Variants in RBFOX1 observed in about 807,000 individuals in gnomAD.
RBFOX1 encodes the protein RNA binding fox-1 homolog 1.
Under a neutral mutation model 57.7 loss-of-function variants are expected in RBFOX1, and 8 were observed. The observed-to-expected ratio is 0.14, with a 90% confidence interval of 0.08 to 0.25. The LOEUF is 0.25. Among genes scored for constraint, RBFOX1 ranks in the 10% least tolerant of loss-of-function variants. The pLI, the probability that RBFOX1 is intolerant of heterozygous loss-of-function variation, is 1.00. For synonymous variants in RBFOX1, 326 were observed against 222.4 expected (o/e 1.47, Z -4.15); for missense variants, 611 against 548.5 (o/e 1.11, Z -1.14).
At chr16:6,820,464 A>G (rs1020113682) in intron 3 of RBFOX1, among the ~76,000 whole-genome samples, 6 of 152,102 alleles carry the variant, frequency 3.9e-5, no homozygotes, top group Admixed American at 6.6e-5. Flanking sequence ...CGACACCAGC[A>G]TGGGAAAGAT....
At chr16:7,627,493 A>T (rs963095832) in intron 10 of RBFOX1, among the ~76,000 whole-genome samples, 1 of 152,244 alleles carries the variant, frequency 6.6e-6, no homozygotes, top group East Asian at 1.9e-4. Flanking sequence ...TGTGATACAA[A>T]TGAAGGTTCC....
intron 14 of RBFOX1, chr16:7,693,245 TC>T (rs1404433731): frequency 7.4e-7 from 1 of 1,352,952 alleles, no homozygotes; most frequent in African/African-American, 1.4e-5. Context: ...TCTGTACACA[TC>T]GAAGCAATTG....
intron 4 of RBFOX1, among the ~76,000 whole-genome samples, chr16:7,257,077 G>C (rs1050860737): frequency 6.6e-6 from 1 of 152,122 alleles, no homozygotes; most frequent in Non-Finnish European, 1.5e-5. Context: ...TGTGTGTCTA[G>C]AGCCGGGCTT....
At chr16:7,369,832 G>T (rs1170883537) in intron 4 of RBFOX1, among the ~76,000 whole-genome samples, 2 of 152,146 alleles carry the variant, frequency 1.3e-5, no homozygotes, top group Non-Finnish European at 2.9e-5. Flanking sequence ...TCTGGGACAA[G>T]TACTATCAAT....
intron 2 of RBFOX1, among the ~76,000 whole-genome samples, chr16:5,471,042 G>A (rs190068202): frequency 5.1e-4 from 78 of 152,120 alleles, no homozygotes; most frequent in Non-Finnish European, 8.1e-4. Context: ...TAGTAGAGAC[G>A]GGGCTGGTCT....
At chr16:7,690,420 G>A (rs2077066050) in intron 14 of RBFOX1, among the ~76,000 whole-genome samples, 1 of 152,104 alleles carries the variant, frequency 6.6e-6, no homozygotes, top group Non-Finnish European at 1.5e-5. Context: ...GAAATTTTTA[G>A]AAGTGCACCA....
intron 1 of RBFOX1, among the ~76,000 whole-genome samples, chr16:6,298,890 C>T (rs535616766): frequency 1.3e-5 from 2 of 152,124 alleles, no homozygotes; most frequent in African/African-American, 4.8e-5. Context: ...TTTTGATGAT[C>T]TGACATTCCT....
At chr16:6,217,711 G>T (rs1465123851) in intron 1 of RBFOX1, among the ~76,000 whole-genome samples, 3 of 152,128 alleles carry the variant, frequency 2.0e-5, no homozygotes, top group African/African-American at 4.8e-5. Context: ...CACCTAGTAG[G>T]CCCTCACAAA....
intron 3 of RBFOX1, among the ~76,000 whole-genome samples, chr16:5,718,383 T>C (rs894567856): frequency 4.6e-5 from 7 of 152,142 alleles, no homozygotes; most frequent in African/African-American, 1.7e-4. Context: ...GACACATATG[T>C]GAGAATAAAT....
intron 4 of RBFOX1, among the ~76,000 whole-genome samples, chr16:7,336,001 T>G (rs928108612): frequency 6.6e-6 from 1 of 152,330 alleles, no homozygotes; most frequent in South Asian, 2.1e-4. Context: ...TGTACAAATA[T>G]TGGCTGCTTT....
chr16:7,506,056 G>A (rs1379070496), intron 4 of RBFOX1, among the ~76,000 whole-genome samples: 1 of 151,664 alleles, frequency 6.6e-6, no homozygotes, highest in African/African-American at 2.4e-5. Flanking sequence ...ATGGTGACGG[G>A]TACCTGTAGT....
At chr16:5,284,240 C>A (rs1330641287) in intron 1 of RBFOX1, among the ~76,000 whole-genome samples, 1 of 152,112 alleles carries the variant, frequency 6.6e-6, no homozygotes, top group African/African-American at 2.4e-5. Context: ...TTGTAAATTG[C>A]CCAGTCTCAG....
intron 4 of RBFOX1, among the ~76,000 whole-genome samples, chr16:7,361,898 AT>A (rs563194124): frequency 1.2e-3 from 169 of 138,608 alleles, no homozygotes; most frequent in Non-Finnish European, 2.0e-3. Flanking sequence ...TAGTATGTGT[AT>A]TTTTTTGTGT....
chr16:5,929,137 G>T (rs905602166), intron 4 of RBFOX1, among the ~76,000 whole-genome samples: 1 of 151,954 alleles, frequency 6.6e-6, no homozygotes, highest in Non-Finnish European at 1.5e-5. Context: ...ACATTGCTTT[G>T]GATCCAGGGG....
At chr16:7,280,127 C>T (rs4494563) in intron 4 of RBFOX1, among the ~76,000 whole-genome samples, 18,776 of 152,264 alleles carry the variant, frequency 0.12, 1,486 homozygotes, top group Middle Eastern at 0.2. Context: ...AGTTTGACTT[C>T]GTTGACCACA....
At chr16:5,251,742 T>C (rs1222680667) in intron 1 of RBFOX1, among the ~76,000 whole-genome samples, 1 of 129,098 alleles carries the variant, frequency 7.7e-6, no homozygotes, top group Non-Finnish European at 1.6e-5. Context: ...ATGTTTTGTA[T>C]TTTGATCTGG....
chr16:6,916,468 A>C (rs2073182582), intron 3 of RBFOX1, among the ~76,000 whole-genome samples: 3 of 152,134 alleles, frequency 2.0e-5, no homozygotes, highest in Admixed American at 2.0e-4. Flanking sequence ...TGGTTAACGA[A>C]ATAAATAGCA....
chr16:6,439,458 G>A (rs903286131), intron 2 of RBFOX1, among the ~76,000 whole-genome samples: 1 of 152,180 alleles, frequency 6.6e-6, no homozygotes, highest in Non-Finnish European at 1.5e-5. Flanking sequence ...GCCTGGGCAA[G>A]TGATGGGATT....
chr16:7,142,240 C>A (rs1028003241), intron 4 of RBFOX1, among the ~76,000 whole-genome samples: 4 of 152,056 alleles, frequency 2.6e-5, no homozygotes, highest in Non-Finnish European at 5.9e-5. Flanking sequence ...TCCAGGCTGG[C>A]CTTGATCTGC....
Sources: allele counts gnomAD v4.1 joint callset (sites outside exome capture counted in the v4.1 genomes callset), GRCh38; gene constraint gnomAD v4.1.1; transcripts MANE v1.5; gene names NCBI Gene and HGNC (gene_info 2026-07-23, HGNC 2026-07-21).